The following THSD4 variants were observed in gnomAD, a reference collection of about 807,000 sequenced individuals.
THSD4 encodes the protein thrombospondin type 1 domain containing 4, also known as thrombospondin type-1 domain-containing protein 4.
In THSD4, 69 loss-of-function variants were observed where a neutral mutation model predicts 119.0. The observed-to-expected ratio is 0.58, with a 90% CI of 0.48 to 0.71. The LOEUF (loss-of-function observed/expected upper bound fraction) is 0.71, where lower values mean the gene tolerates loss of function less well. Ranked by LOEUF, THSD4 falls within the 30% of genes least tolerant of loss-of-function variation. The pLI, the probability that THSD4 is intolerant of heterozygous loss-of-function variation, is 0.00. For missense variants in THSD4, 1,393 were observed against 1,391.1 expected, an observed-to-expected ratio of 1.00 and a Z score of -0.02; for synonymous variants, 524 against 540.4, an observed-to-expected ratio of 0.97 and a Z score of 0.42.
intron 5 of THSD4, among the ~76,000 whole-genome samples, chr15:71,247,610 A>G (rs1427352242): frequency 1.3e-5 from 2 of 152,050 alleles, no homozygotes; most frequent in African/African-American, 2.4e-5. Context: ...CAGGGGTCCT[A>G]GAGGCCCTTT....
intron 7 of THSD4, among the ~76,000 whole-genome samples, chr15:71,455,237 G>A (rs1402895656): frequency 6.6e-6 from 1 of 152,182 alleles, no homozygotes; most frequent in East Asian, 1.9e-4. Context: ...AGCCCCTTGA[G>A]GCTAGAAGGT....
intron 7 of THSD4, among the ~76,000 whole-genome samples, chr15:71,625,500 AAG>A (rs930316976): frequency 3.3e-5 from 5 of 152,230 alleles, no homozygotes; most frequent in African/African-American, 9.6e-5. Flanking sequence ...ACTCAAATAA[AAG>A]AGAAAAACAG....
intron 7 of THSD4, among the ~76,000 whole-genome samples, chr15:71,413,211 C>A (rs1334833090): frequency 1.3e-5 from 2 of 152,166 alleles, no homozygotes; most frequent in African/African-American, 4.8e-5. Flanking sequence ...CGGGGTTTCA[C>A]CATGTTGGCC....
chr15:71,206,099 T>C (rs532272887), intron 3 of THSD4, among the ~76,000 whole-genome samples: 23 of 152,248 alleles, frequency 1.5e-4, no homozygotes, highest in Admixed American at 1.4e-3. Flanking sequence ...GAAAGTCTCC[T>C]TCTTCAGGTT....
intron 8 of THSD4, among the ~76,000 whole-genome samples, chr15:71,724,280 TATA>T (rs1567119865): frequency 5.1e-5 from 2 of 39,258 alleles, no homozygotes; most frequent in Non-Finnish European, 6.6e-5. Flanking sequence ...TATATATATA[TATA>T]TATATTTTTT....
intron 3 of THSD4, among the ~76,000 whole-genome samples, chr15:71,164,440 C>T (rs1393233648): frequency 2.0e-5 from 3 of 148,308 alleles, no homozygotes; most frequent in Non-Finnish European, 4.4e-5. Flanking sequence ...TAAGCTGCAT[C>T]AGAGACAACT....
chr15:71,632,306 T>C (rs2050647697), intron 7 of THSD4, among the ~76,000 whole-genome samples: 1 of 152,126 alleles, frequency 6.6e-6, no homozygotes, highest in Non-Finnish European at 1.5e-5. Flanking sequence ...GGAGAGACCT[T>C]TAAAGGAGGG....
intron 6 of THSD4, among the ~76,000 whole-genome samples, chr15:71,379,324 T>C (rs2046194473): frequency 6.6e-6 from 1 of 152,016 alleles, no homozygotes; most frequent in Admixed American, 6.6e-5. Flanking sequence ...TGTTTTCTTA[T>C]AGTCAGCTGT....
chr15:71,195,351 G>T (rs1209594472), intron 3 of THSD4, among the ~76,000 whole-genome samples: 1 of 152,228 alleles, frequency 6.6e-6, no homozygotes, highest in African/African-American at 2.4e-5. Flanking sequence ...TCTCTGCTGG[G>T]ATGCAGAGTG....
intron 3 of THSD4, among the ~76,000 whole-genome samples, chr15:71,158,590 A>G (rs1295236787): frequency 1.3e-5 from 2 of 148,796 alleles, no homozygotes; most frequent in East Asian, 2.0e-4. Flanking sequence ...GGCCATTTGT[A>G]TGTTTTCTTT....
intron 7 of THSD4, among the ~76,000 whole-genome samples, chr15:71,506,070 T>C (rs1416076060): frequency 1.3e-5 from 2 of 152,240 alleles, no homozygotes; most frequent in Non-Finnish European, 2.9e-5. Flanking sequence ...ATGTTTTCTT[T>C]CAAAAAGAAT....
chr15:71,362,724 CAGTG>C (rs2045908210), intron 6 of THSD4, among the ~76,000 whole-genome samples: 1 of 152,192 alleles, frequency 6.6e-6, no homozygotes, highest in Non-Finnish European at 1.5e-5. Context: ...TTACTGCCGA[CAGTG>C]AGTTCCGTTT....
At chr15:71,745,074 A>G (rs1334671434) in intron 11 of THSD4, 32 bp from the exon 12 acceptor site, 1 of 1,602,284 alleles carries the variant, frequency 6.2e-7, no homozygotes, top group East Asian at 2.2e-5. Flanking sequence ...AGTGTGTGGG[A>G]CTGTCCTTCA....
At chr15:71,292,787 C>T (rs544829888) in intron 6 of THSD4, among the ~76,000 whole-genome samples, 1 of 151,836 alleles carries the variant, frequency 6.6e-6, no homozygotes, top group Admixed American at 6.6e-5. Context: ...CACCATTCTC[C>T]TGCCTCAGCC....
chr15:71,596,313 TTC>T (rs1235262398), intron 7 of THSD4, among the ~76,000 whole-genome samples: 1 of 152,176 alleles, frequency 6.6e-6, no homozygotes, highest in Non-Finnish European at 1.5e-5. Context: ...TGTTGTGGTT[TTC>T]TCTCTTTCTT....
intron 7 of THSD4, among the ~76,000 whole-genome samples, chr15:71,543,180 G>A (rs2048786356): frequency 1.3e-5 from 2 of 152,116 alleles, no homozygotes; most frequent in Admixed American, 6.6e-5. Flanking sequence ...TATGTAAGAT[G>A]TTAACATTGT....
intron 16 of THSD4, chr15:71,767,161 G>A (rs183157189): frequency 1.2e-4 from 19 of 152,260 alleles, no homozygotes; most frequent in African/African-American, 4.6e-4. Context: ...GAAGTAAATG[G>A]TTACTATAAT....
intron 7 of THSD4, among the ~76,000 whole-genome samples, chr15:71,620,026 T>C (rs912663922): frequency 2.2e-4 from 34 of 152,290 alleles, no homozygotes; most frequent in African/African-American, 7.2e-4. Context: ...AAGAAAAATA[T>C]AGGATGTTCT....
chr15:71,356,743 T>C (rs1566952704), intron 6 of THSD4, among the ~76,000 whole-genome samples: 1 of 152,104 alleles, frequency 6.6e-6, no homozygotes, highest in Non-Finnish European at 1.5e-5. Flanking sequence ...GGTCCATCTA[T>C]TTCCTGAAGC....
Sources: allele counts gnomAD v4.1 joint callset (sites outside exome capture counted in the v4.1 genomes callset), GRCh38; gene constraint gnomAD v4.1.1; transcripts MANE v1.5; gene names NCBI Gene and HGNC (gene_info 2026-07-23, HGNC 2026-07-21).